The following ANO1 variants were observed in gnomAD, a reference collection of about 807,000 sequenced individuals.
The protein encoded by ANO1 is anoctamin-1.
ANO1 carries 59 observed loss-of-function variants against 124.0 expected under a neutral mutation model. The observed-to-expected ratio is 0.48, with a 90% CI of 0.39 to 0.59. The LOEUF (loss-of-function observed/expected upper bound fraction) is 0.59. Among genes scored for constraint, ANO1 ranks in the 20% least tolerant of loss-of-function variants. ANO1 has a pLI of 0.00. For missense variants in ANO1, 1,059 were observed against 1,328.0 expected, an observed-to-expected ratio of 0.80 and a Z score of 3.15; for synonymous variants, 529 against 532.0, an observed-to-expected ratio of 0.99 and a Z score of 0.08.
At chr11:70,130,558 G>A (rs893704687) in intron 10 of ANO1, among the ~76,000 whole-genome samples, 5 of 152,226 alleles carry the variant, frequency 3.3e-5, no homozygotes, top group East Asian at 3.9e-4. Flanking sequence ...TGCCAGTAAT[G>A]AGGCTCCTGC....
At chr11:69,975,947 C>T in the ANO1 span, among the ~76,000 whole-genome samples, 1 of 152,186 alleles carries the variant, frequency 6.6e-6, no homozygotes, top group Non-Finnish European at 1.5e-5. Context: ...GCCCCCAGCC[C>T]TGCCCTTGGC....
At chr11:70,078,923 CGT>C (rs1285374728) in intron 1 of ANO1, among the ~76,000 whole-genome samples, 1 of 151,716 alleles carries the variant, frequency 6.6e-6, no homozygotes, top group Non-Finnish European at 1.5e-5. Context: ...GCGCTCTGAG[CGT>C]TCCGAGCGCG....
chr11:70,076,433 C>T (rs1168775512), upstream of ANO1, among the ~76,000 whole-genome samples: 3 of 146,582 alleles, frequency 2.0e-5, no homozygotes, highest in Admixed American at 6.8e-5. Flanking sequence ...TATTTTTACT[C>T]TTTTTTTTTT....
chr11:70,152,933 C>A, intron 13 of ANO1, 124 bp from the exon 14 acceptor site: 1 of 770,534 alleles, frequency 1.3e-6, no homozygotes, highest in Non-Finnish European at 2.2e-6. Context: ...CAGCAGCCAA[C>A]TATGAACTGG....
Position 70,108,268 on chromosome 11 carries a change from G to A in ANO1, c.748-85G>A. 1.4e-6 allele frequency: 2 copies of A among 1,387,248 alleles called. 1 individual carries two copies. The highest frequency in any genetic ancestry group is 3.7e-4 in the Middle Eastern group (2 of 5,458). The allele number at this position is 1,387,248 out of a possible 1,614,324, so 85.9% of individuals were successfully genotyped here. On this transcript the variant is annotated intron_variant, in intron 5 of 25. Coordinates refer to ENST00000355303, the MANE Select transcript of ANO1 (RefSeq NM_018043.7). ...GGTCTTCATGCGTAACGTGTGACCA[G>A]GTCCTCTCCAGCCACAGCAGACTGT... is the stretch of plus-strand genomic sequence containing the variant.
chr11:70,095,303 A>AAGGAAGGAAGGAAGGAAGGAAGGAAG (rs1565193330), intron 2 of ANO1, among the ~76,000 whole-genome samples: 1 of 36,734 alleles, frequency 2.7e-5, no homozygotes, highest in Non-Finnish European at 5.6e-5. Flanking sequence ...AAGGAAGGAA[A>AAGGAAGGAAGGAAGGAAGGAAGGAAG]GAAAGAAAGA....
chr11:70,146,424 G>A (rs1174535755), intron 11 of ANO1, among the ~76,000 whole-genome samples: 1 of 152,194 alleles, frequency 6.6e-6, no homozygotes, highest in Non-Finnish European at 1.5e-5. Flanking sequence ...CCAGTGCAGA[G>A]AGGGCGAGCC....
At chr11:70,094,715 G>A (rs1475184614) in intron 2 of ANO1, among the ~76,000 whole-genome samples, 4 of 152,210 alleles carry the variant, frequency 2.6e-5, no homozygotes, top group African/African-American at 9.7e-5. Context: ...CCTCTTGCAC[G>A]ATGGGATGTT....
intron 1 of ANO1, chr11:70,085,369 C>G: frequency 1.4e-6 from 2 of 1,470,738 alleles, no homozygotes; most frequent in South Asian, 1.4e-5. Flanking sequence ...GTCGTGGCCC[C>G]TAAGCACCCT....
chr11:70,172,481 T>A (rs1312984109), intron 22 of ANO1, among the ~76,000 whole-genome samples: 1 of 152,218 alleles, frequency 6.6e-6, no homozygotes, highest in Non-Finnish European at 1.5e-5. Context: ...GAATTACATA[T>A]TGGGGATATC....
chr11:70,168,621 AG>A (rs2048342233), intron 21 of ANO1, among the ~76,000 whole-genome samples: 1 of 152,116 alleles, frequency 6.6e-6, no homozygotes, highest in South Asian at 2.1e-4. Flanking sequence ...GCAGTCAGGA[AG>A]ACTCCTGCAG....
chr11:70,087,711 G>A, intron 1 of ANO1, 41 bp from the exon 2 acceptor site: 20 of 1,518,528 alleles, frequency 1.3e-5, no homozygotes, highest in Non-Finnish European at 1.7e-5. Flanking sequence ...CCCATCACGA[G>A]CAGCTCGATG....
At chr11:69,989,781 C>T (rs56402676) in intron 1 of ANO1, among the ~76,000 whole-genome samples, 21,675 of 151,928 alleles carry the variant, frequency 0.14, 1,634 homozygotes, top group African/African-American at 0.17. Flanking sequence ...GGGAGGGTGA[C>T]CCTGGGTCTA....
At chr11:70,133,901 G>A (rs1438158847) in intron 11 of ANO1, among the ~76,000 whole-genome samples, 1 of 152,214 alleles carries the variant, frequency 6.6e-6, no homozygotes, top group African/African-American at 2.4e-5. Flanking sequence ...CAGCTGGGCC[G>A]GGTCCTCTTG....
At chr11:70,179,871 G>A in intron 22 of ANO1, 133 bp from the exon 23 acceptor site, 2 of 767,628 alleles carry the variant, frequency 2.6e-6, no homozygotes, top group South Asian at 1.5e-5. Flanking sequence ...ATGACTCTTG[G>A]TTGCCATAAG....
intron 2 of ANO1, among the ~76,000 whole-genome samples, chr11:70,095,212 A>AAG (rs5792509): frequency 0.19 from 19,377 of 100,418 alleles, 2,804 homozygotes; most frequent in East Asian, 0.24. Context: ...TCAAAAAAGA[A>AAG]AGAGAGAGAG....
chr11:70,155,746 G>A (rs1460003920), intron 14 of ANO1, among the ~76,000 whole-genome samples, 165 bp from the exon 15 acceptor site: 4 of 152,246 alleles, frequency 2.6e-5, no homozygotes, highest in Non-Finnish European at 5.9e-5. Flanking sequence ...TCTCTTACTT[G>A]TTTAAAACGC....
Position 70,161,147 on chromosome 11 carries a change from T to C in ANO1, c.1579-14T>C, listed in dbSNP as rs764870293. 1.2e-6 allele frequency: 2 copies of C among 1,610,492 alleles called. No homozygotes were observed. The highest frequency in any genetic ancestry group is 1.3e-5 in the African/African-American group (1 of 74,908). On this transcript the variant is annotated splice_polypyrimidine_tract_variant and intron_variant, in intron 16 of 25. Coordinates refer to ENST00000355303, the MANE Select transcript of ANO1 (RefSeq NM_018043.7). ...GTGGGCCCCCAACCAAGAGTGCCCC[T>C]TTCCCCCCTGCAGATTGCAGTGACG... is the stretch of plus-strand genomic sequence containing the variant.
chr11:70,167,540 G>A (rs2048303478), intron 21 of ANO1, among the ~76,000 whole-genome samples, 153 bp downstream of exon 21: 1 of 152,212 alleles, frequency 6.6e-6, no homozygotes, highest in Non-Finnish European at 1.5e-5. Flanking sequence ...GAGAGATGCA[G>A]ACCCTGGGAT....
Sources: gnomAD v4.1 joint callset for allele counts (sites outside exome capture counted in the v4.1 genomes callset) on GRCh38, gnomAD v4.1.1 for gene constraint, MANE v1.5 for transcripts, NCBI Gene and HGNC (gene_info 2026-07-23, HGNC 2026-07-21) for gene names.